FOXN3: variants seen among roughly 807,000 people sequenced by gnomAD.
The protein encoded by FOXN3 is forkhead box protein N3.
In FOXN3, 7 loss-of-function variants were observed where a neutral mutation model predicts 38.4. The observed-to-expected ratio is 0.18, with a 90% CI of 0.10 to 0.34. The LOEUF is 0.34. FOXN3 is among the 10% of genes least tolerant of loss of function. The pLI, the probability that FOXN3 is intolerant of heterozygous loss-of-function variation, is 1.00. For synonymous variants in FOXN3, 230 were observed against 242.2 expected (o/e 0.95, Z 0.47); for missense variants, 456 against 613.4 (o/e 0.74, Z 2.71).
At chr14:89,521,306 TA>T (rs201469253) in intron 1 of FOXN3, among the ~76,000 whole-genome samples, 1 of 144,870 alleles carries the variant, frequency 6.9e-6, no homozygotes, top group Non-Finnish European at 1.5e-5. Context: ...AGGCTCCATC[TA>T]AAAAAAAACA....
chr14:89,508,200 A>G (rs972138100), intron 1 of FOXN3, among the ~76,000 whole-genome samples: 2 of 152,228 alleles, frequency 1.3e-5, no homozygotes, highest in Admixed American at 6.5e-5. Context: ...CACTGGGTGC[A>G]TAAGGGACCT....
intron 4 of FOXN3, among the ~76,000 whole-genome samples, chr14:89,205,333 G>A (rs1204231198): frequency 3.9e-5 from 6 of 152,248 alleles, no homozygotes; most frequent in African/African-American, 1.4e-4. Context: ...ATGATGACAC[G>A]GGAAGTGCCG....
At chr14:89,231,865 G>C (rs1026066363) in intron 4 of FOXN3, among the ~76,000 whole-genome samples, 2 of 152,118 alleles carry the variant, frequency 1.3e-5, no homozygotes, top group Non-Finnish European at 2.9e-5. Flanking sequence ...TTAATCTCTA[G>C]GTCTGCTCAA....
intron 1 of FOXN3, among the ~76,000 whole-genome samples, chr14:89,522,248 G>T (rs1388478501): frequency 6.6e-6 from 1 of 152,092 alleles, no homozygotes; most frequent in East Asian, 1.9e-4. Context: ...ATGAGATTGG[G>T]CACATTCAGG....
chr14:89,487,226 T>G (rs539430480), intron 1 of FOXN3, among the ~76,000 whole-genome samples: 4 of 152,326 alleles, frequency 2.6e-5, no homozygotes, highest in Admixed American at 6.5e-5. Context: ...AATAGGAAAG[T>G]TGGTACATGA....
chr14:89,262,634 T>C (rs1319205041), intron 4 of FOXN3, among the ~76,000 whole-genome samples: 1 of 152,176 alleles, frequency 6.6e-6, no homozygotes, highest in African/African-American at 2.4e-5. Context: ...TACAAACATA[T>C]CTGAGATTCC....
intron 4 of FOXN3, among the ~76,000 whole-genome samples, chr14:89,245,329 T>A (rs1304731589): frequency 6.6e-6 from 1 of 152,176 alleles, no homozygotes; most frequent in Non-Finnish European, 1.5e-5. Context: ...ATTCTCACCT[T>A]TAAATATGAC....
intron 3 of FOXN3, among the ~76,000 whole-genome samples, chr14:89,335,715 T>C (rs1427760391): frequency 1.3e-5 from 2 of 152,234 alleles, no homozygotes; most frequent in Non-Finnish European, 2.9e-5. Context: ...ATTTACTGTG[T>C]ACAATATTAG....
At chr14:89,370,828 G>A (rs966973752) in intron 2 of FOXN3, among the ~76,000 whole-genome samples, 5 of 152,176 alleles carry the variant, frequency 3.3e-5, no homozygotes, top group Non-Finnish European at 5.9e-5. Flanking sequence ...CAGTGAGGAC[G>A]TAACTTCATT....
intron 4 of FOXN3, among the ~76,000 whole-genome samples, chr14:89,246,808 G>T (rs1489631750): frequency 6.6e-6 from 1 of 151,980 alleles, no homozygotes. Flanking sequence ...CAAAGTGCTG[G>T]GATTACAAGC....
In FOXN3 at chr14:89,307,081, A is replaced by G. The variant is rs571287916; in HGVS notation, c.681-26067T>C. Among the ~76,000 whole-genome samples, 3 of 152,350 alleles carry G rather than the reference A, an allele frequency of 2.0e-5. No homozygotes were observed. The East Asian group carries it at 5.8e-4, about 29-fold the overall frequency. On this transcript the variant is annotated intron_variant, in intron 3 of 5. Coordinates refer to ENST00000557258, the MANE Select transcript of FOXN3 (RefSeq NM_005197.4). Reference sequence around the variant, plus strand: ...ATTAACTTTAAACGCGACCAAAACAAAGCAAATAGGCCATGTCCCACCCAA... The same window carrying G: ...ATTAACTTTAAACGCGACCAAAACAGAGCAAATAGGCCATGTCCCACCCAA...
intron 1 of FOXN3, among the ~76,000 whole-genome samples, chr14:89,452,041 G>A (rs1235209180): frequency 6.6e-6 from 1 of 152,074 alleles, no homozygotes; most frequent in Non-Finnish European, 1.5e-5. Flanking sequence ...CCTGAAGTTC[G>A]ATCCTTACCC....
chr14:89,393,277 G>T (rs2140079810), intron 2 of FOXN3, among the ~76,000 whole-genome samples: 1 of 152,234 alleles, frequency 6.6e-6, no homozygotes, highest in East Asian at 1.9e-4. Context: ...AGTTACATTG[G>T]ATTACAAACC....
rs117790449 is a variant in FOXN3, at chr14:89,257,721, G to A, written c.745+23229C>T. Among the ~76,000 whole-genome samples, 842 of 152,288 alleles carry A rather than the reference G, an allele frequency of 5.5e-3. 2 individuals carry two copies. The highest frequency in any genetic ancestry group is 0.01 in the Non-Finnish European group (692 of 68,014). On this transcript the variant is annotated intron_variant, in intron 4 of 5. Coordinates refer to ENST00000557258, the MANE Select transcript of FOXN3 (RefSeq NM_005197.4). The stretch of plus-strand genomic sequence containing the variant: ...GCTATGGGCACACCACTGTACTCCG[G>A]CATGGGTGACAGAGTGAGATCCTAT...
chr14:89,437,754 A>G (rs1892301520), intron 1 of FOXN3, among the ~76,000 whole-genome samples: 1 of 152,228 alleles, frequency 6.6e-6, no homozygotes, highest in Non-Finnish European at 1.5e-5. Flanking sequence ...TCTATGGAAT[A>G]GCCATTCTTT....
chr14:89,305,530 T>C (rs1192830751), intron 3 of FOXN3, among the ~76,000 whole-genome samples: 2 of 152,236 alleles, frequency 1.3e-5, no homozygotes, highest in Non-Finnish European at 2.9e-5. Context: ...AGACTTAACA[T>C]ACTGCTGTAT....
intron 4 of FOXN3, among the ~76,000 whole-genome samples, chr14:89,222,052 G>A (rs775615474): frequency 6.6e-5 from 10 of 152,174 alleles, no homozygotes; most frequent in Non-Finnish European, 1.2e-4. Context: ...TCCTGACCTC[G>A]TGATCTGCCC....
intron 1 of FOXN3, among the ~76,000 whole-genome samples, chr14:89,592,402 C>T (rs942640366): frequency 6.6e-5 from 10 of 152,152 alleles, no homozygotes; most frequent in African/African-American, 2.4e-4. Flanking sequence ...TTTAAATGTA[C>T]AGCAGAATGA....
intron 1 of FOXN3, among the ~76,000 whole-genome samples, chr14:89,476,799 G>A (rs1446089008): frequency 1.3e-5 from 2 of 152,222 alleles, no homozygotes; most frequent in African/African-American, 2.4e-5. Flanking sequence ...AAACCAGGAA[G>A]AAAGTCTTCA....
Sources: gnomAD v4.1 joint callset for allele counts (sites outside exome capture counted in the v4.1 genomes callset) on GRCh38, gnomAD v4.1.1 for gene constraint, MANE v1.5 for transcripts, NCBI Gene and HGNC (gene_info 2026-07-23, HGNC 2026-07-21) for gene names.